SYTL5: variants seen among roughly 807,000 people sequenced by gnomAD.
SYTL5 encodes synaptotagmin-like protein 5.
A neutral mutation model predicts 55.9 loss-of-function variants in SYTL5; 34 were observed. That is an observed-to-expected ratio of 0.61 (90% CI 0.46 to 0.81). The LOEUF is 0.81. Ranked by LOEUF, SYTL5 falls within the 30% of genes least tolerant of loss-of-function variation. SYTL5 has a pLI of 0.00. For synonymous variants in SYTL5, 221 were observed against 188.7 expected (o/e 1.17, Z -1.40); for missense variants, 637 against 546.7 (o/e 1.17, Z -1.65).
the SYTL5 span, among the ~76,000 whole-genome samples, chrX:37,976,019 A>G: frequency 2.7e-5 from 3 of 111,989 alleles, no homozygotes; most frequent in South Asian, 1.1e-3. Context: ...GGGGGTGAGA[A>G]ACCTGTAAAT....
chrX:37,943,871 A>G, the SYTL5 span, among the ~76,000 whole-genome samples: 1 of 111,331 alleles, frequency 9.0e-6, no homozygotes, highest in Non-Finnish European at 1.9e-5. Context: ...CCTAAACAAA[A>G]CAAACAAAAA....
At chrX:38,069,171 C>T (rs1602363880) in intron 3 of SYTL5, among the ~76,000 whole-genome samples, 1 of 111,690 alleles carries the variant, frequency 9.0e-6, no homozygotes, top group Non-Finnish European at 1.9e-5. Context: ...ATGCAATTTC[C>T]TGAGTTGAAT....
intron 9 of SYTL5, among the ~76,000 whole-genome samples, chrX:38,096,717 G>A (rs1936948291): frequency 1.8e-5 from 2 of 111,272 alleles, no homozygotes; most frequent in African/African-American, 6.5e-5. Flanking sequence ...TTATTTCCCA[G>A]TCTAATATTC....
chrX:38,003,695 A>C (rs773662197), upstream of SYTL5, among the ~76,000 whole-genome samples: 19 of 111,963 alleles, frequency 1.7e-4, no homozygotes, highest in African/African-American at 5.5e-4. Context: ...CAAGCTACCA[A>C]TGACTTTCTT....
the SYTL5 span, among the ~76,000 whole-genome samples, chrX:37,964,391 A>G: frequency 3.6e-5 from 4 of 112,235 alleles, no homozygotes; most frequent in African/African-American, 1.3e-4. Flanking sequence ...GGTGTGTATC[A>G]CATTTATTGA....
intron 1 of SYTL5, among the ~76,000 whole-genome samples, chrX:38,026,753 T>A (rs909430781): frequency 5.4e-5 from 6 of 111,466 alleles, no homozygotes; most frequent in Non-Finnish European, 9.4e-5. Context: ...GTCACCATCT[T>A]GGTTTTGCAG....
At chrX:38,041,231 T>C (rs1025922190) in intron 2 of SYTL5, among the ~76,000 whole-genome samples, 5 of 112,192 alleles carry the variant, frequency 4.5e-5, no homozygotes, top group African/African-American at 1.6e-4. Flanking sequence ...TCAAATGGAT[T>C]TGAAGTGATT....
chrX:38,125,370 G>T lies in SYTL5; in HGVS notation c.1914G>T (p.Gln638His). Reference sequence around the variant, plus strand: ...TAATAAAAAAGAGTGTTAACCCTCAGTGGAATCATACATTCATGTTCAGTG... The same window carrying T: ...TAATAAAAAAGAGTGTTAACCCTCATTGGAATCATACATTCATGTTCAGTG... ...TLVIKKSVNP[Q>H]WNHTFMFSGI... is the part of the protein sequence containing the mutation. Residue 638 changes from glutamine to histidine, a missense_variant, in exon 16 of 17, where the codon CAG becomes CAT. Transcript: ENST00000297875. The T allele has an allele frequency of 8.3e-6, 10 of 1,211,485 alleles. No individual in the cohort carries two copies. The highest frequency in any genetic ancestry group is 1.1e-5 in the Non-Finnish European group (10 of 895,082).
intron 6 of SYTL5, 69 bp downstream of exon 6, chrX:38,076,770 G>A (rs1428209304): frequency 9.5e-7 from 1 of 1,052,397 alleles, no homozygotes; most frequent in Non-Finnish European, 1.3e-6. Context: ...ATTCATAGGG[G>A]GATTTTAGGT....
chrX:38,060,545 A>T (rs993303518), intron 3 of SYTL5, among the ~76,000 whole-genome samples: 1 of 112,197 alleles, frequency 8.9e-6, no homozygotes, highest in Non-Finnish European at 1.9e-5. Flanking sequence ...AAATGAACAG[A>T]TAGATGAATG....
the SYTL5 span, among the ~76,000 whole-genome samples, chrX:37,927,717 A>G: frequency 1.8e-5 from 2 of 111,361 alleles, no homozygotes; most frequent in Non-Finnish European, 3.8e-5. Context: ...TGGAGGTTGC[A>G]GTGAGCCAAG....
chrX:38,028,449 G>T (rs1934848187), intron 1 of SYTL5, among the ~76,000 whole-genome samples: 1 of 112,280 alleles, frequency 8.9e-6, no homozygotes, highest in Non-Finnish European at 1.9e-5. Context: ...TTCCAATTCT[G>T]GAGAAGTCAG....
At chrX:37,889,456 T>C in the SYTL5 span, among the ~76,000 whole-genome samples, 1 of 111,821 alleles carries the variant, frequency 8.9e-6, no homozygotes, top group East Asian at 2.8e-4. Context: ...TACTAAAAAA[T>C]AAAAGCTGAC....
the SYTL5 span, among the ~76,000 whole-genome samples, chrX:37,896,665 C>T: frequency 4.5e-5 from 5 of 111,466 alleles, no homozygotes; most frequent in Non-Finnish European, 3.8e-5. Context: ...CAGCTGACAG[C>T]CTGCCAAACA....
the SYTL5 span, among the ~76,000 whole-genome samples, chrX:37,940,876 A>G: frequency 9.0e-6 from 1 of 111,039 alleles, no homozygotes; most frequent in Non-Finnish European, 1.9e-5. Context: ...GAGTCCAGTG[A>G]AAGAAATCAT....
chrX:37,990,889 C>T, the SYTL5 span: 29 of 1,209,239 alleles, frequency 2.4e-5, no homozygotes, highest in African/African-American at 4.4e-4. Context: ...AACAACCAGA[C>T]TCAAGACCCT....
chrX:37,930,924 C>G, the SYTL5 span, among the ~76,000 whole-genome samples: 2 of 111,558 alleles, frequency 1.8e-5, no homozygotes, highest in Non-Finnish European at 3.8e-5. Context: ...CTTTTTCAAG[C>G]CTCTAGTTGT....
chrX:38,031,028 A>G (rs1358221233), intron 1 of SYTL5, among the ~76,000 whole-genome samples: 3 of 111,532 alleles, frequency 2.7e-5, no homozygotes, highest in Non-Finnish European at 3.8e-5. Context: ...GTAACTGACC[A>G]GTTTGCTGGG....
At chrX:38,079,428 C>T (rs980295120) in intron 6 of SYTL5, among the ~76,000 whole-genome samples, 16 of 111,708 alleles carry the variant, frequency 1.4e-4, no homozygotes, top group African/African-American at 4.2e-4. Flanking sequence ...GGATGTTCAC[C>T]GGTTGCTAGG....
Sources: allele counts gnomAD v4.1 joint callset (sites outside exome capture counted in the v4.1 genomes callset), GRCh38; gene constraint gnomAD v4.1.1; transcripts MANE v1.5; gene names NCBI Gene and HGNC (gene_info 2026-07-23, HGNC 2026-07-21).